Variants in CUX1 observed in about 807,000 individuals in gnomAD.
CUX1 encodes cut like homeobox 1, also known as protein CASP.
A neutral mutation model predicts 158.8 loss-of-function variants in CUX1; 31 were observed. The ratio of observed to expected loss-of-function variants is 0.20; its 90% confidence interval spans 0.15 to 0.26. The LOEUF is 0.26. CUX1 is among the 10% of genes least tolerant of loss of function. The pLI, the probability that CUX1 is intolerant of heterozygous loss-of-function variation, is 1.00. For missense variants in CUX1, 1,589 were observed against 2,014.6 expected (o/e 0.79, Z 4.04); for synonymous variants, 879 against 862.1 (o/e 1.02, Z -0.34).
chr7:102,024,458 C>A (rs1387711598), intron 2 of CUX1, among the ~76,000 whole-genome samples: 2 of 152,170 alleles, frequency 1.3e-5, no homozygotes, highest in Non-Finnish European at 2.9e-5. Flanking sequence ...TCCTGAGTAA[C>A]CTGGACTACA....
chr7:102,143,632 T>C (rs1384696017), intron 8 of CUX1, among the ~76,000 whole-genome samples: 6 of 152,184 alleles, frequency 3.9e-5, no homozygotes, highest in African/African-American at 1.4e-4. Flanking sequence ...TAAAGTCACA[T>C]TCTTCTTATA....
Position 102,252,108 on chromosome 7 carries a change from T to A in CUX1, c.*3066T>A. On this transcript the variant is annotated 3_prime_UTR_variant, in exon 24 of 24. Coordinates refer to ENST00000292535, the MANE Select transcript of CUX1 (RefSeq NM_181552.4). The stretch of plus-strand genomic sequence containing the variant: ...TGCTTGCAGTTCTGTGTATTTTTTT[T>A]CCTCTATTATTTATTTTTTTAAAAA... 9 of 984,296 alleles carry A rather than the reference T, an allele frequency of 9.1e-6. No homozygotes were observed. Among genetic ancestry groups the A allele is most frequent in the Non-Finnish European group, 1.1e-5 (9 of 828,918 alleles). The allele number at this position is 984,296 out of a possible 1,614,324, so 61.0% of individuals were successfully genotyped here.
At chr7:101,999,584 C>G (rs1816422170) in intron 2 of CUX1, among the ~76,000 whole-genome samples, 1 of 152,204 alleles carries the variant, frequency 6.6e-6, no homozygotes, top group South Asian at 2.1e-4. Flanking sequence ...ATTAGAGTGT[C>G]TGAGCGCTGC....
chr7:101,990,229 G>T (rs1814922322), intron 2 of CUX1, among the ~76,000 whole-genome samples: 1 of 152,030 alleles, frequency 6.6e-6, no homozygotes, highest in Admixed American at 6.6e-5. Flanking sequence ...AGCTGGGCGT[G>T]GTAGTCCCCG....
intron 1 of CUX1, among the ~76,000 whole-genome samples, chr7:101,824,190 T>G (rs1212994639): frequency 6.6e-6 from 1 of 152,192 alleles, no homozygotes; most frequent in Non-Finnish European, 1.5e-5. Flanking sequence ...CAGGTTCAAG[T>G]GATTCTCGTG....
chr7:102,275,164 AG>A lies in CUX1; in HGVS notation c.1451-80del, dbSNP rs1191260984. The stretch of plus-strand genomic sequence containing the variant: ...CCATGGCATTTGGCAGAAATCCCCC[AG>A]GGCTGGGGGACCCACCCCAAAGGGC... On this transcript the variant is annotated intron_variant, in intron 16 of 22. Transcript: ENST00000292538. 9.4e-6 allele frequency: 9 copies of A among 959,474 alleles called. No homozygotes were observed. In the Admixed American group the frequency reaches 2.1e-4, roughly 22 times the overall value. 59.4% of individuals were successfully genotyped at this position (959,474 alleles called of 1,614,324 possible).
At chr7:101,963,621 T>TAA (rs1472461317) in intron 2 of CUX1, among the ~76,000 whole-genome samples, 5 of 152,116 alleles carry the variant, frequency 3.3e-5, no homozygotes, top group African/African-American at 1.2e-4. Flanking sequence ...TAATAATCAA[T>TAA]TACTTAGTAC....
At chr7:102,227,750 A>T (rs1798494722) in intron 21 of CUX1, 81 bp downstream of exon 21, 3 of 1,424,038 alleles carry the variant, frequency 2.1e-6, no homozygotes, top group Non-Finnish European at 2.9e-6. Flanking sequence ...GCCCTAGGCC[A>T]AGCCAACCAC....
chr7:102,255,535 T>C lies in CUX1; in HGVS notation c.*6493T>C. The C allele has an allele frequency of 1.0e-6, 1 of 985,426 alleles. No individual in the cohort carries two copies. The highest frequency in any genetic ancestry group is 1.2e-6 in the Non-Finnish European group (1 of 829,926). The allele number at this position is 985,426 out of a possible 1,614,324, so 61.0% of individuals were successfully genotyped here. ...ATCCTTTTAGTTTACCCGATAATGTTAAGAAAGCATTAGTCTACGTTACTG... is the reference window on the plus strand; with the variant it reads ...ATCCTTTTAGTTTACCCGATAATGTCAAGAAAGCATTAGTCTACGTTACTG... On this transcript the variant is annotated 3_prime_UTR_variant, in exon 24 of 24. Coordinates refer to ENST00000292535, the MANE Select transcript of CUX1 (RefSeq NM_181552.4).
At chr7:102,091,498 A>AT (rs1365281995) in intron 4 of CUX1, among the ~76,000 whole-genome samples, 6 of 150,832 alleles carry the variant, frequency 4.0e-5, no homozygotes, top group Non-Finnish European at 8.9e-5. Flanking sequence ...TGCCCAGCTA[A>AT]TTTTTTATCT....
rs537958112 is a variant in CUX1, at chr7:102,115,069, G to C, written c.608-138G>C. The C allele has an allele frequency of 3.5e-5, 25 of 711,762 alleles. No individual in the cohort carries two copies. The African/African-American group carries it at 3.8e-4, about 11-fold the overall frequency. The allele number at this position is 711,762 out of a possible 1,614,324, so 44.1% of individuals were successfully genotyped here. The stretch of plus-strand genomic sequence containing the variant: ...TATTTTCATCATCTTGGCCTCTTTT[G>C]TGTGTTTTTAATCTTTATTTTTCCA... On this transcript the variant is annotated intron_variant, in intron 7 of 23. Transcript: ENST00000292535.
intron 2 of CUX1, among the ~76,000 whole-genome samples, chr7:102,018,963 G>A (rs1444021022): frequency 6.6e-6 from 1 of 152,162 alleles, no homozygotes; most frequent in Non-Finnish European, 1.5e-5. Flanking sequence ...ATCCATGAAA[G>A]GATCTGGGGA....
chr7:102,029,929 T>G (rs1251231109), intron 3 of CUX1, among the ~76,000 whole-genome samples: 1 of 152,186 alleles, frequency 6.6e-6, no homozygotes, highest in Non-Finnish European at 1.5e-5. Context: ...GTGTGCTTTC[T>G]AGGTGTTTGC....
At chr7:102,072,620 A>C (rs1826256095) in intron 4 of CUX1, among the ~76,000 whole-genome samples, 1 of 152,194 alleles carries the variant, frequency 6.6e-6, no homozygotes, top group Admixed American at 6.5e-5. Context: ...TTTGCAAAGG[A>C]AGTAGACGCT....
chr7:101,937,060 C>T (rs147831808), intron 2 of CUX1, among the ~76,000 whole-genome samples: 19 of 152,300 alleles, frequency 1.2e-4, no homozygotes, highest in African/African-American at 4.3e-4. Flanking sequence ...TGGGCCCCCT[C>T]CCATGGCCTC....
intron 5 of CUX1, among the ~76,000 whole-genome samples, chr7:102,103,963 C>A (rs1475294588): frequency 6.6e-6 from 1 of 151,966 alleles, no homozygotes; most frequent in South Asian, 2.1e-4. Context: ...GTACTTAAAC[C>A]CACCTAAAAC....
intron 1 of CUX1, among the ~76,000 whole-genome samples, chr7:101,905,739 T>C (rs1195671770): frequency 6.6e-6 from 1 of 152,240 alleles, no homozygotes; most frequent in East Asian, 1.9e-4. Flanking sequence ...CATTGCCAGC[T>C]GCCCTGTGTA....
intron 2 of CUX1, among the ~76,000 whole-genome samples, chr7:102,007,822 G>A (rs202145): frequency 0.57 from 86,048 of 150,888 alleles, 25,076 homozygotes; most frequent in East Asian, 0.96. Context: ...TCGGCTCACT[G>A]CAACCTCCGC....
At chr7:101,887,833 T>A (rs1231104223) in intron 1 of CUX1, among the ~76,000 whole-genome samples, 1 of 139,910 alleles carries the variant, frequency 7.1e-6, no homozygotes, top group Admixed American at 7.2e-5. Context: ...GATCTGGTGA[T>A]GACGGTGACA....
Sources: allele counts gnomAD v4.1 joint callset (sites outside exome capture counted in the v4.1 genomes callset), GRCh38; gene constraint gnomAD v4.1.1; transcripts MANE v1.5; gene names NCBI Gene and HGNC (gene_info 2026-07-23, HGNC 2026-07-21).